The following FCN1 variants were observed in gnomAD, a reference collection of about 807,000 sequenced individuals.
FCN1 encodes ficolin 1.
A neutral mutation model predicts 35.6 loss-of-function variants in FCN1; 42 were observed. The ratio of observed to expected loss-of-function variants is 1.18; its 90% confidence interval spans 0.92 to 1.53. The LOEUF (loss-of-function observed/expected upper bound fraction) is 1.53. FCN1 is among the 40% of genes most tolerant of loss of function. The probability of loss-of-function intolerance (pLI) is 0.00; values close to 1 mark genes in which losing one functional copy is unlikely to be tolerated. For synonymous variants in FCN1, 179 were observed against 169.8 expected (o/e 1.05, Z -0.42); for missense variants, 439 against 428.4 (o/e 1.02, Z -0.22).
chr9:134,911,772 A>T lies in FCN1; in HGVS notation c.599-505T>A, dbSNP rs74387029. Among the ~76,000 whole-genome samples, 492 of 152,218 alleles carry T rather than the reference A, an allele frequency of 3.2e-3. 3 individuals are homozygous for T. Among genetic ancestry groups the T allele is most frequent in the African/African-American group, 0.011 (465 of 41,532 alleles). ...CAGGGATGGCTTTCTGTTTCTAAAC[A>T]CCTTTCCCGTTATTTCAGAGAACTG... On this transcript the variant is annotated intron_variant, in intron 7 of 8. Coordinates refer to ENST00000371806, the MANE Select transcript of FCN1 (RefSeq NM_002003.5).
At chr9:134,914,573 G>A (rs1187697790) in intron 3 of FCN1, among the ~76,000 whole-genome samples, 153 bp from the exon 4 acceptor site, 2 of 152,168 alleles carry the variant, frequency 1.3e-5, no homozygotes, top group African/African-American at 4.8e-5. Flanking sequence ...ATGGTGGGGA[G>A]GGGCCCCGAG....
In FCN1 at chr9:134,905,828, CTCTT is replaced by C. The variant is rs1830941634; in HGVS notation, c.*3966_*3969del. ...CTTCTTCCTCTTCTTCTTCTTCTTC[CTCTT>C]CCTCTTCCTCTTCCTCTTCCTCTTC... On this transcript the variant is annotated 3_prime_UTR_variant, in exon 9 of 9. Transcript: ENST00000371806. 3.4e-4 allele frequency: 9 copies of C among 26,110 alleles called. 2 individuals are homozygous for C. Among genetic ancestry groups the C allele is most frequent in the African/African-American group, 2.2e-3 (7 of 3,134 alleles). The allele number at this position is 26,110 out of a possible 1,614,324, so 1.6% of individuals were successfully genotyped here. A position where few individuals can be genotyped will look rare whatever the true frequency, so the allele number is the denominator to read the frequency against.
chr9:134,910,345 C>A (rs553426831), intron 8 of FCN1, among the ~76,000 whole-genome samples: 36 of 152,238 alleles, frequency 2.4e-4, no homozygotes, highest in African/African-American at 7.7e-4. Context: ...GACCTCCCTC[C>A]TCCAGCCTGC....
chr9:134,917,556 A>G (rs1831106482), intron 1 of FCN1, among the ~76,000 whole-genome samples: 1 of 152,200 alleles, frequency 6.6e-6, no homozygotes, highest in Non-Finnish European at 1.5e-5. Flanking sequence ...TTCGAGGCAG[A>G]CAGACCTGGT....
At position 134,916,331 on chromosome 9, in the gene FCN1, A is replaced by T; in HGVS notation, c.217+17T>A. 2 of 1,596,548 alleles carry T rather than the reference A, an allele frequency of 1.3e-6. No homozygotes were observed. The highest frequency in any genetic ancestry group is 1.7e-6 in the Non-Finnish European group (2 of 1,164,386). ...TGCCCCTGCCATGCCTGGCCTCCCC[A>T]CCCGGCCCGCACCTACCTCTCTCTC... is the stretch of plus-strand genomic sequence containing the variant. On this transcript the variant is annotated intron_variant, in intron 2 of 8. Coordinates refer to ENST00000371806, the MANE Select transcript of FCN1 (RefSeq NM_002003.5).
At chr9:134,910,932 G>A (rs767380695) in intron 8 of FCN1, among the ~76,000 whole-genome samples, 3 of 152,218 alleles carry the variant, frequency 2.0e-5, no homozygotes, top group Non-Finnish European at 4.4e-5. Flanking sequence ...CTCACTGTGC[G>A]GCAGACATAG....
intron 8 of FCN1, among the ~76,000 whole-genome samples, chr9:134,910,263 C>A (rs992327566): frequency 6.6e-6 from 1 of 152,130 alleles, no homozygotes; most frequent in Non-Finnish European, 1.5e-5. Flanking sequence ...AACCTGAGGC[C>A]CCTGCTCCAG....
Position 134,909,535 on chromosome 9 carries a change from A to C in FCN1, c.*263T>G. 1 of 1,391,068 alleles carries C rather than the reference A, an allele frequency of 7.2e-7. No individual in the cohort carries two copies. Among genetic ancestry groups the C allele is most frequent in the East Asian group, 3.7e-5 (1 of 27,006 alleles). 86.2% of individuals were successfully genotyped at this position (1,391,068 alleles called of 1,614,324 possible). A position where few individuals can be genotyped will look rare whatever the true frequency, so the allele number is the denominator to read the frequency against. Reference sequence around the variant, plus strand: ...ACCTGCCGTGCAACAGACACAGGAAAGTGATCAAAACCACTGGTGTTCAAG... The same window carrying C: ...ACCTGCCGTGCAACAGACACAGGAACGTGATCAAAACCACTGGTGTTCAAG... On this transcript the variant is annotated 3_prime_UTR_variant, in exon 9 of 9. Coordinates refer to ENST00000371806, the MANE Select transcript of FCN1 (RefSeq NM_002003.5).
chr9:134,913,531 C>A, intron 5 of FCN1, 50 bp downstream of exon 5: 1 of 1,529,970 alleles, frequency 6.5e-7, no homozygotes, highest in Non-Finnish European at 8.9e-7. Flanking sequence ...CAGCTGGCCC[C>A]AGGGGTGGGG....
At chr9:134,910,080 G>A (rs1447529750) in intron 8 of FCN1, 35 bp from the exon 9 acceptor site, 4 of 1,595,108 alleles carry the variant, frequency 2.5e-6, no homozygotes, top group Non-Finnish European at 8.6e-7. Flanking sequence ...GCAGATGCTG[G>A]AAAAAGCCCT....
In FCN1 at chr9:134,909,090, G is replaced by A. The variant is rs185864535; in HGVS notation, c.*708C>T. ...TGTGCAGCTTTTCCCACTGAGGTCC[G>A]CGGTCCCCTCTAGCTGAGGTCTGTG... On this transcript the variant is annotated 3_prime_UTR_variant, in exon 9 of 9. Transcript: ENST00000371806. 116 of 685,136 alleles carry A rather than the reference G, an allele frequency of 1.7e-4. No homozygotes were observed. In the African/African-American group the frequency reaches 1.8e-3, roughly 10 times the overall value. The allele number at this position is 685,136 out of a possible 1,614,324, so 42.4% of individuals were successfully genotyped here.
intron 1 of FCN1, 93 bp downstream of exon 1, chr9:134,917,676 A>T (rs909019517): frequency 9.1e-6 from 7 of 769,282 alleles, no homozygotes; most frequent in Non-Finnish European, 1.6e-5. Flanking sequence ...TCACAGGAAG[A>T]TGTGCATAAA....
chr9:134,912,656 G>A (rs556277219), intron 6 of FCN1, 41 bp from the exon 7 acceptor site: 35 of 1,613,568 alleles, frequency 2.2e-5, no homozygotes, highest in East Asian at 8.9e-5. Flanking sequence ...GGGGCAGGCC[G>A]AGGTCCCACA....
chr9:134,914,954 C>T (rs1013219214), intron 2 of FCN1, 145 bp from the exon 3 acceptor site: 2 of 654,194 alleles, frequency 3.1e-6, no homozygotes, highest in Admixed American at 2.4e-5. Context: ...GAATTGCTAG[C>T]CATGGATTTA....
At chr9:134,910,837 G>A (rs1831014211) in intron 8 of FCN1, among the ~76,000 whole-genome samples, 1 of 152,346 alleles carries the variant, frequency 6.6e-6, no homozygotes, top group Middle Eastern at 3.4e-3. Flanking sequence ...TTGGGAAACA[G>A]CTCCAAGGCA....
At position 134,906,679 on chromosome 9, in the gene FCN1, A is replaced by AT. The variant is rs1564216110; in HGVS notation, c.*3118dup. On this transcript the variant is annotated 3_prime_UTR_variant, in exon 9 of 9. Coordinates refer to ENST00000371806, the MANE Select transcript of FCN1 (RefSeq NM_002003.5). ...GATGATTTTGATTAGTTAGTTCCAC[A>AT]TTTTATATTGGATTTGTGAGATTCT... is the stretch of plus-strand genomic sequence containing the variant. 6.6e-6 allele frequency: 1 copy of AT among 152,190 alleles called. No homozygotes were observed. The highest frequency in any genetic ancestry group is 1.9e-4 in the East Asian group (1 of 5,202). The allele number at this position is 152,190 out of a possible 1,614,324, so 9.4% of individuals were successfully genotyped here. A position where few individuals can be genotyped will look rare whatever the true frequency, so the allele number is the denominator to read the frequency against.
chr9:134,909,770 A>C lies in FCN1; in HGVS notation c.*28T>G. On this transcript the variant is annotated 3_prime_UTR_variant, in exon 9 of 9. Coordinates refer to ENST00000371806, the MANE Select transcript of FCN1 (RefSeq NM_002003.5). ...TTGTGGGTGTGGCCTCCCCACTAGC[A>C]GGTGCATGTGGAGGGGTCCTGGCCC... 6.2e-7 allele frequency: 1 copy of C among 1,610,926 alleles called. No individual in the cohort carries two copies. The highest frequency in any genetic ancestry group is 1.3e-5 in the African/African-American group (1 of 74,968).
chr9:134,909,453 T>G lies in FCN1; in HGVS notation c.*345A>C. The G allele has an allele frequency of 7.7e-7, 1 of 1,297,174 alleles. No individual in the cohort carries two copies. 80.4% of individuals were successfully genotyped at this position (1,297,174 alleles called of 1,614,324 possible). On this transcript the variant is annotated 3_prime_UTR_variant, in exon 9 of 9. Transcript: ENST00000371806. ...ACTCAACCTCCCTGAACATCGGTAG[T>G]GCCATCTGCTAAATAAGGGTCCTGA...
Position 134,907,831 on chromosome 9 carries a change from T to A in FCN1, c.*1967A>T, listed in dbSNP as rs1487574960. On this transcript the variant is annotated 3_prime_UTR_variant, in exon 9 of 9. Transcript: ENST00000371806. ...ACCCAATGGCTATCCTTGCATTTTT[T>A]AACATCCATTCTCTTCCTGATGGGT... is the stretch of plus-strand genomic sequence containing the variant. The A allele has an allele frequency of 6.6e-6, 1 of 152,254 alleles. No individual in the cohort carries two copies. Among genetic ancestry groups the A allele is most frequent in the East Asian group, 1.9e-4 (1 of 5,204 alleles). 9.4% of individuals were successfully genotyped at this position (152,254 alleles called of 1,614,324 possible).
Sources: allele counts gnomAD v4.1 joint callset (sites outside exome capture counted in the v4.1 genomes callset), GRCh38; gene constraint gnomAD v4.1.1; transcripts MANE v1.5; gene names NCBI Gene and HGNC (gene_info 2026-07-23, HGNC 2026-07-21).